Variants in ZNRF3 observed in about 807,000 individuals in gnomAD.
The protein encoded by ZNRF3 is E3 ubiquitin-protein ligase ZNRF3.
Under a neutral mutation model 72.5 loss-of-function variants are expected in ZNRF3, and 23 were observed. That is an observed-to-expected ratio of 0.32 (90% CI 0.23 to 0.45). The LOEUF is 0.45. Among genes scored for constraint, ZNRF3 ranks in the 20% least tolerant of loss-of-function variants. The pLI is 1.00. For synonymous variants in ZNRF3, 610 were observed against 545.3 expected (o/e 1.12, Z -1.65); for missense variants, 1,169 against 1,272.1 (o/e 0.92, Z 1.23).
chr22:29,050,669 C>T lies in ZNRF3; in HGVS notation c.2488C>T (p.Pro830Ser), dbSNP rs753199833. 1 of 1,612,484 alleles carries T rather than the reference C, an allele frequency of 6.2e-7. No homozygotes were observed. Among genetic ancestry groups the T allele is most frequent in the Non-Finnish European group, 8.5e-7 (1 of 1,179,632 alleles). ...GGCCCGGGACCTGAGCCAGCGCATC[C>T]CCATCATTCCAGAGGATGTGGACTG... ...PGARDLSQRI[P>S]IIPEDVDCDL... is the part of the protein sequence containing the mutation. The change falls in exon 8 of 9, where the codon CCC (proline) becomes TCC (serine). Residue 830 changes from proline to serine, a missense_variant. Physicochemically the swap from Pro to Ser is moderately conservative, Grantham distance 74. Coordinates refer to ENST00000544604, the MANE Select transcript of ZNRF3 (RefSeq NM_001206998.2).
chr22:28,931,166 A>G (rs2123778017), intron 1 of ZNRF3, among the ~76,000 whole-genome samples: 1 of 152,160 alleles, frequency 6.6e-6, no homozygotes, highest in East Asian at 1.9e-4. Context: ...AATTATATTT[A>G]TTTTTGCCAG....
rs1438549877 is a variant in ZNRF3 at position 29,050,842 on chromosome 22, A to G, written c.2661A>G (p.Leu887=). 1.9e-6 allele frequency: 3 copies of G among 1,605,310 alleles called. No individual in the cohort carries two copies. In the African/African-American group the frequency reaches 4.0e-5, roughly 21 times the overall value. ...ERALCCQARA[L]LRPGCPPEEA... ...CTCTGTGCTGCCAGGCTAGGGCCCT[A>G]CTGCGGCCTGGCTGCCCTCCGGAGG... Residue 887 remains leucine, a synonymous_variant, in exon 8 of 9, where the codon CTA becomes CTG. Transcript: ENST00000544604.
chr22:28,983,800 GGGTAGGAAAT>G (rs1302595666), intron 1 of ZNRF3, among the ~76,000 whole-genome samples: 3 of 152,212 alleles, frequency 2.0e-5, no homozygotes, highest in Non-Finnish European at 2.9e-5. Flanking sequence ...TATAAACAAA[GGGTAGGAAAT>G]GGTGGTTTTA....
chr22:28,885,178 C>T (rs1213864184), intron 1 of ZNRF3, among the ~76,000 whole-genome samples: 4 of 152,086 alleles, frequency 2.6e-5, no homozygotes, highest in Admixed American at 6.5e-5. Flanking sequence ...GCGTAGACAG[C>T]CTGTTCCGTG....
At chr22:29,041,990 G>T (rs768853925) in intron 2 of ZNRF3, among the ~76,000 whole-genome samples, 3 of 152,090 alleles carry the variant, frequency 2.0e-5, no homozygotes, top group Non-Finnish European at 2.9e-5. Context: ...TGATGTGTAG[G>T]TTGTTTTCAG....
At position 29,046,841 on chromosome 22, in the gene ZNRF3, G is replaced by C; in HGVS notation, c.870G>C (p.Thr290=). 1 of 1,607,958 alleles carries C rather than the reference G, an allele frequency of 6.2e-7. No individual in the cohort carries two copies. ...GALDTLSSSS[T]SDCAICLEKY... The stretch of plus-strand genomic sequence containing the variant: ...TGGACACACTCAGCAGCAGCTCCAC[G>C]TCCGACTGTGCCATCTGTCTGGAGA... Residue 290 remains threonine (T), a synonymous_variant, in exon 6 of 9, where the codon ACG becomes ACC. Coordinates refer to ENST00000544604, the MANE Select transcript of ZNRF3 (RefSeq NM_001206998.2).
chr22:29,018,872 A>T (rs2036481971), intron 2 of ZNRF3, among the ~76,000 whole-genome samples: 1 of 151,736 alleles, frequency 6.6e-6, no homozygotes, highest in Non-Finnish European at 1.5e-5. Flanking sequence ...GCACCCTAAA[A>T]ACAACAGTCA....
intron 2 of ZNRF3, among the ~76,000 whole-genome samples, chr22:28,999,879 G>A (rs1431202124): frequency 2.6e-5 from 4 of 152,228 alleles, no homozygotes; most frequent in African/African-American, 9.6e-5. Context: ...AGAGACAGAA[G>A]GAAAGGGGAC....
rs1234090668 is a variant in ZNRF3, at chr22:29,048,186, G to A, written c.913-203G>A. ...CCTTAACACTGAGGACTGTGGATGG[G>A]GCTGACTGCTGGCAGTTTCCTTCTT... On this transcript the variant is annotated intron_variant, in intron 6 of 8. Transcript: ENST00000544604. The surrounding 1 kb of genome is among the most constrained non-coding windows in gnomAD (Gnocchi z 4.9). 3.3e-5 allele frequency among the ~76,000 whole-genome samples: 5 copies of A among 152,318 alleles called. No individual in the cohort carries two copies. The East Asian group carries it at 7.7e-4, about 24-fold the overall frequency.
chr22:28,993,383 A>T (rs1390149947), intron 2 of ZNRF3, among the ~76,000 whole-genome samples: 1 of 152,220 alleles, frequency 6.6e-6, no homozygotes, highest in Non-Finnish European at 1.5e-5. Context: ...GTGGAAAACT[A>T]TGTTGAAAGG....
intron 1 of ZNRF3, among the ~76,000 whole-genome samples, chr22:28,939,086 A>G (rs2034893331): frequency 6.6e-6 from 1 of 152,102 alleles, no homozygotes; most frequent in Admixed American, 6.5e-5. Context: ...GGAGTTTGAG[A>G]CCAGCCTGGC....
intron 1 of ZNRF3, among the ~76,000 whole-genome samples, chr22:28,894,121 TA>T (rs2033948257): frequency 6.6e-6 from 1 of 151,448 alleles, no homozygotes; most frequent in Non-Finnish European, 1.5e-5. Flanking sequence ...CATGCCTGGC[TA>T]ATTTTTTTTT....
intron 2 of ZNRF3, among the ~76,000 whole-genome samples, chr22:28,992,159 T>G (rs1352383044): frequency 6.7e-6 from 1 of 149,818 alleles, no homozygotes; most frequent in African/African-American, 2.5e-5. Flanking sequence ...TCTCTCTCCC[T>G]CTTCCCCCCA....
chr22:29,044,994 C>T (rs1354736570), intron 5 of ZNRF3, 104 bp downstream of exon 5: 4 of 801,966 alleles, frequency 5.0e-6, no homozygotes, highest in Non-Finnish European at 8.6e-6. Context: ...CAACATGGAG[C>T]CTCACAGCTG....
intron 1 of ZNRF3, among the ~76,000 whole-genome samples, chr22:28,971,846 AC>A (rs1434508444): frequency 6.6e-6 from 1 of 152,162 alleles, no homozygotes; most frequent in Non-Finnish European, 1.5e-5. Flanking sequence ...AGCTGGGATT[AC>A]AGGTTTACAC....
chr22:28,897,051 A>G (rs928890332), intron 1 of ZNRF3, among the ~76,000 whole-genome samples: 40 of 152,314 alleles, frequency 2.6e-4, no homozygotes, highest in African/African-American at 9.4e-4. Context: ...CTATGCAGGC[A>G]TGTGCCACTG....
At chr22:28,918,804 C>T (rs1392298168) in intron 1 of ZNRF3, among the ~76,000 whole-genome samples, 1 of 148,394 alleles carries the variant, frequency 6.7e-6, no homozygotes, top group African/African-American at 2.5e-5. Flanking sequence ...TGCCACTGAT[C>T]CCATCTCTGA....
chr22:28,912,017 G>A (rs2034327395), intron 1 of ZNRF3, among the ~76,000 whole-genome samples: 1 of 152,222 alleles, frequency 6.6e-6, no homozygotes, highest in South Asian at 2.1e-4. Flanking sequence ...TTATGTAAGA[G>A]AAGGGCCCGG....
At chr22:28,918,437 A>G (rs776572828) in intron 1 of ZNRF3, among the ~76,000 whole-genome samples, 5 of 152,064 alleles carry the variant, frequency 3.3e-5, no homozygotes, top group Admixed American at 6.5e-5. Flanking sequence ...TTCTCCTCAC[A>G]TAGTTACAGC....
Sources: gnomAD v4.1 joint callset for allele counts (sites outside exome capture counted in the v4.1 genomes callset) on GRCh38, gnomAD v4.1.1 for gene constraint, Gnocchi (gnomAD v3.1) non-coding constraint, MANE v1.5 for transcripts, NCBI Gene and HGNC (gene_info 2026-07-23, HGNC 2026-07-21) for gene names.